Variants in PRDM5 observed in about 807,000 individuals in gnomAD.
PRDM5 encodes the protein PR domain zinc finger protein 5.
Under a neutral mutation model 81.2 loss-of-function variants are expected in PRDM5, and 56 were observed. The ratio of observed to expected loss-of-function variants is 0.69; its 90% CI spans 0.56 to 0.86. The LOEUF is 0.86. PRDM5 is among the 40% of genes least tolerant of loss of function. PRDM5 has a pLI of 0.00. For synonymous variants in PRDM5, 267 were observed against 256.4 expected (o/e 1.04, Z -0.39); for missense variants, 697 against 770.1 (o/e 0.91, Z 1.12).
At chr4:120,699,487 A>C (rs1227416299) in intron 15 of PRDM5, among the ~76,000 whole-genome samples, 1 of 152,102 alleles carries the variant, frequency 6.6e-6, no homozygotes, top group Admixed American at 6.6e-5. Flanking sequence ...CAGTGCCCTG[A>C]AAGCAAACAA....
At chr4:120,718,349 C>T (rs1021867180) in intron 14 of PRDM5, among the ~76,000 whole-genome samples, 2 of 152,266 alleles carry the variant, frequency 1.3e-5, no homozygotes, top group African/African-American at 4.8e-5. Context: ...GTACGCATAC[C>T]TTTTGTTCCA....
intron 14 of PRDM5, among the ~76,000 whole-genome samples, chr4:120,713,489 C>T (rs1222496453): frequency 6.6e-6 from 1 of 152,120 alleles, no homozygotes. Flanking sequence ...TTGTGCACTA[C>T]TATTATCCTA....
chr4:120,732,970 T>C (rs2149088219), intron 14 of PRDM5, among the ~76,000 whole-genome samples: 1 of 152,354 alleles, frequency 6.6e-6, no homozygotes, highest in South Asian at 2.1e-4. Context: ...TGTTGTGCAT[T>C]GTATTTTGTT....
chr4:120,844,826 G>A (rs1005904168), intron 3 of PRDM5, among the ~76,000 whole-genome samples: 7 of 152,234 alleles, frequency 4.6e-5, no homozygotes, highest in African/African-American at 1.4e-4. Context: ...TAGGCCACTT[G>A]GGCCAAACAG....
chr4:120,828,398 G>T (rs1756304020), intron 3 of PRDM5, among the ~76,000 whole-genome samples: 1 of 152,008 alleles, frequency 6.6e-6, no homozygotes, highest in African/African-American at 2.4e-5. Context: ...GAGGCTCAGA[G>T]ATGAAAAATA....
At chr4:120,788,825 T>C (rs1016016453) in intron 10 of PRDM5, among the ~76,000 whole-genome samples, 2 of 152,210 alleles carry the variant, frequency 1.3e-5, no homozygotes, top group Admixed American at 1.3e-4. Flanking sequence ...AGGATGCCAA[T>C]GTCACCATCT....
At chr4:120,834,550 T>C (rs1307096326) in intron 3 of PRDM5, among the ~76,000 whole-genome samples, 1 of 152,178 alleles carries the variant, frequency 6.6e-6, no homozygotes, top group African/African-American at 2.4e-5. Flanking sequence ...GCATCATCTA[T>C]TTTTGTTACA....
intron 13 of PRDM5, among the ~76,000 whole-genome samples, chr4:120,764,723 A>G (rs921116292): frequency 6.6e-6 from 1 of 152,144 alleles, no homozygotes; most frequent in Non-Finnish European, 1.5e-5. Context: ...CCATTCAAAC[A>G]TTTCTTGGGG....
chr4:120,909,576 A>C (rs1766248423), intron 1 of PRDM5, among the ~76,000 whole-genome samples: 1 of 152,118 alleles, frequency 6.6e-6, no homozygotes, highest in Non-Finnish European at 1.5e-5. Context: ...AAAGTAACTG[A>C]TCTATCCAAA....
chr4:120,883,440 C>T (rs1035396510), intron 2 of PRDM5, among the ~76,000 whole-genome samples: 2 of 152,016 alleles, frequency 1.3e-5, no homozygotes, highest in Admixed American at 6.5e-5. Flanking sequence ...AAATTTTCTG[C>T]ACTGCTAATG....
Position 120,821,276 on chromosome 4 carries a change from G to C in PRDM5, c.370C>G (p.Leu124Val), listed in dbSNP as rs766226909. The change falls in exon 4 of 16, where the codon CTG becomes GTG. Residue 124 changes from leucine (L) to valine (V), a missense_variant. By Grantham distance (32) the Leu-to-Val change is conservative. Coordinates refer to ENST00000264808, the MANE Select transcript of PRDM5 (RefSeq NM_018699.4). ...ETDTELLIGY[L>V]DSDMEAEEEE... The stretch of plus-strand genomic sequence containing the variant: ...TCCTCAGCCTCCATGTCACTATCCA[G>C]GTAGCCAATCAGAAGCTCCGTGTCT... The C allele has an allele frequency of 6.2e-7, 1 of 1,613,894 alleles. No individual in the cohort carries two copies. Among genetic ancestry groups the C allele is most frequent in the Non-Finnish European group, 8.5e-7 (1 of 1,179,918 alleles).
intron 14 of PRDM5, among the ~76,000 whole-genome samples, chr4:120,742,124 A>AC (rs1268731292): frequency 6.6e-6 from 1 of 152,022 alleles, no homozygotes; most frequent in African/African-American, 2.4e-5. Flanking sequence ...CTGACCCCTG[A>AC]CCCCCCGAGC....
chr4:120,738,044 A>C (rs1027406594), intron 14 of PRDM5, among the ~76,000 whole-genome samples: 1 of 152,212 alleles, frequency 6.6e-6, no homozygotes, highest in African/African-American at 2.4e-5. Flanking sequence ...CATATAAACA[A>C]ATTATAAAAA....
intron 2 of PRDM5, among the ~76,000 whole-genome samples, chr4:120,889,862 A>G (rs890549695): frequency 9.2e-5 from 14 of 152,104 alleles, no homozygotes; most frequent in African/African-American, 3.4e-4. Flanking sequence ...AGCTCCACCC[A>G]TGTTGCTACA....
chr4:120,697,668 C>CTTTTTTTTTTTTT (rs1734691599), intron 15 of PRDM5, among the ~76,000 whole-genome samples: 10 of 42,862 alleles, frequency 2.3e-4, no homozygotes, highest in Non-Finnish European at 3.4e-4. Context: ...GCCCAGCTAA[C>CTTTTTTTTTTTTT]TATTTTTTTT....
chr4:120,684,327 C>T (rs1235025974), downstream of PRDM5, among the ~76,000 whole-genome samples: 1 of 150,782 alleles, frequency 6.6e-6, no homozygotes, highest in Non-Finnish European at 1.5e-5. Context: ...AAACACACCC[C>T]GTCAGATAAG....
At chr4:120,882,156 T>C (rs1041159064) in intron 2 of PRDM5, among the ~76,000 whole-genome samples, 2 of 152,250 alleles carry the variant, frequency 1.3e-5, no homozygotes, top group East Asian at 1.9e-4. Context: ...AGCACAGCAA[T>C]GGTGCCAGGA....
chr4:120,723,896 A>G (rs561929906), intron 14 of PRDM5, among the ~76,000 whole-genome samples: 1 of 148,554 alleles, frequency 6.7e-6, no homozygotes, highest in South Asian at 2.1e-4. Flanking sequence ...AAATCAAAGT[A>G]AGTCTTACAA....
intron 14 of PRDM5, among the ~76,000 whole-genome samples, chr4:120,719,527 T>C (rs996907867): frequency 1.4e-4 from 21 of 152,192 alleles, no homozygotes; most frequent in African/African-American, 4.8e-4. Flanking sequence ...AGAATGAAAA[T>C]ATCTTTGATC....
Sources: allele counts gnomAD v4.1 joint callset (sites outside exome capture counted in the v4.1 genomes callset), GRCh38; gene constraint gnomAD v4.1.1; transcripts MANE v1.5; gene names NCBI Gene and HGNC (gene_info 2026-07-23, HGNC 2026-07-21).